The following VWC2L variants were observed in gnomAD, a reference collection of about 807,000 sequenced individuals.
VWC2L encodes the protein von Willebrand factor C domain-containing protein 2-like.
Under a neutral mutation model 21.6 loss-of-function variants are expected in VWC2L, and 10 were observed. The observed-to-expected ratio is 0.46, with a 90% CI of 0.29 to 0.78. The LOEUF (loss-of-function observed/expected upper bound fraction) is 0.78, where lower values mean the gene tolerates loss of function less well. Ranked by LOEUF, VWC2L falls within the 30% of genes least tolerant of loss-of-function variation. The pLI, the probability that VWC2L is intolerant of heterozygous loss-of-function variation, is 0.10. For synonymous variants in VWC2L, 96 were observed against 94.3 expected, an observed-to-expected ratio of 1.02 and a Z score of -0.10; for missense variants, 209 against 277.1, an observed-to-expected ratio of 0.75 and a Z score of 1.74.
At chr2:214,534,449 G>T (rs922929800) in intron 3 of VWC2L, among the ~76,000 whole-genome samples, 10 of 152,042 alleles carry the variant, frequency 6.6e-5, no homozygotes, top group Admixed American at 6.6e-4. Context: ...TTGTTTGCAA[G>T]CACCTTCCAC....
chr2:214,413,429 T>C (rs1342183429), intron 1 of VWC2L, among the ~76,000 whole-genome samples: 1 of 152,112 alleles, frequency 6.6e-6, no homozygotes, highest in African/African-American at 2.4e-5. Context: ...TGGAATTCTC[T>C]TGTATTATTT....
chr2:214,447,461 G>A (rs764613993), intron 3 of VWC2L, among the ~76,000 whole-genome samples: 1 of 152,132 alleles, frequency 6.6e-6, no homozygotes, highest in Non-Finnish European at 1.5e-5. Context: ...ATGCTAGGAA[G>A]TTACATTCAC....
intron 3 of VWC2L, chr2:214,510,251 T>A (rs570218695): frequency 2.9e-4 from 44 of 152,346 alleles, no homozygotes; most frequent in Middle Eastern, 6.8e-3. Flanking sequence ...TGTGATCAAT[T>A]ATGTTTGTAC....
intron 3 of VWC2L, among the ~76,000 whole-genome samples, chr2:214,553,320 G>T (rs1194753720): frequency 6.6e-6 from 1 of 152,230 alleles, no homozygotes; most frequent in Admixed American, 6.5e-5. Context: ...AGGGGATCAT[G>T]TGCCCAAAGT....
intron 3 of VWC2L, among the ~76,000 whole-genome samples, chr2:214,527,963 T>C (rs1302289266): frequency 1.3e-5 from 2 of 152,190 alleles, no homozygotes; most frequent in African/African-American, 2.4e-5. Context: ...ATTTCTATCA[T>C]TTACAATAAA....
intron 3 of VWC2L, among the ~76,000 whole-genome samples, chr2:214,548,712 G>T (rs1287382302): frequency 1.3e-5 from 2 of 152,138 alleles, no homozygotes; most frequent in Non-Finnish European, 2.9e-5. Context: ...TCATGTTTAG[G>T]CTAGACCAAG....
chr2:214,482,175 C>T (rs1168635586), intron 3 of VWC2L, among the ~76,000 whole-genome samples: 1 of 152,150 alleles, frequency 6.6e-6, no homozygotes, highest in Non-Finnish European at 1.5e-5. Flanking sequence ...AAATAGGAGT[C>T]TATGTACTCA....
At chr2:214,480,962 G>A (rs1688596452) in intron 3 of VWC2L, among the ~76,000 whole-genome samples, 2 of 148,234 alleles carry the variant, frequency 1.3e-5, no homozygotes, top group Non-Finnish European at 3.0e-5. Context: ...TGCAAAAGAT[G>A]AAGTGATTTG....
At chr2:214,433,162 A>T (rs1165050292) in intron 2 of VWC2L, among the ~76,000 whole-genome samples, 1 of 47,316 alleles carries the variant, frequency 2.1e-5, no homozygotes, top group Non-Finnish European at 3.8e-5. Flanking sequence ...GCCACCTGAT[A>T]TATATATATA....
chr2:214,502,130 A>G (rs1688901617), intron 3 of VWC2L, among the ~76,000 whole-genome samples: 1 of 152,214 alleles, frequency 6.6e-6, no homozygotes, highest in African/African-American at 2.4e-5. Flanking sequence ...TTCCTTCTTC[A>G]ATATTTTTCA....
intron 3 of VWC2L, among the ~76,000 whole-genome samples, chr2:214,559,379 G>A (rs1399491629): frequency 6.6e-6 from 1 of 151,530 alleles, no homozygotes; most frequent in Non-Finnish European, 1.5e-5. Context: ...TTTATCTTTT[G>A]GCCCCCTCCC....
At chr2:214,496,118 T>C (rs375534355) in intron 3 of VWC2L, among the ~76,000 whole-genome samples, 8 of 152,100 alleles carry the variant, frequency 5.3e-5, no homozygotes, top group African/African-American at 1.7e-4. Context: ...ATGTAACCTA[T>C]TGATCCTATG....
At chr2:214,499,313 C>A (rs1228469959) in intron 3 of VWC2L, among the ~76,000 whole-genome samples, 2 of 151,962 alleles carry the variant, frequency 1.3e-5, no homozygotes. Context: ...CCACTGCGCC[C>A]AGCCATACCA....
rs753663852 is a variant in VWC2L at position 214,414,633 on chromosome 2, T to TG, written c.390+51dup. On this transcript the variant is annotated intron_variant, in intron 2 of 3. Transcript: ENST00000312504. ...TGAAATATCAACTTTTCATACCACG[T>TG]GCTTAGTACATTGCTACATTAAAGT... 24 of 1,569,294 alleles carry TG rather than the reference T, an allele frequency of 1.5e-5. No homozygotes were observed. In the East Asian group the frequency reaches 5.4e-4, roughly 35 times the overall value.
At chr2:214,440,821 C>A (rs1386121492) in intron 3 of VWC2L, among the ~76,000 whole-genome samples, 1 of 152,024 alleles carries the variant, frequency 6.6e-6, no homozygotes, top group Non-Finnish European at 1.5e-5. Flanking sequence ...AATATGTAGT[C>A]AGTTATCAAA....
At chr2:214,501,721 C>CA (rs776608301) in intron 3 of VWC2L, among the ~76,000 whole-genome samples, 35,736 of 78,230 alleles carry the variant, frequency 0.46, 7,585 homozygotes, top group Non-Finnish European at 0.56. Context: ...GACTCTGTCT[C>CA]AAAAAAAAAA....
At chr2:214,569,158 T>C (rs1690111805) in intron 3 of VWC2L, among the ~76,000 whole-genome samples, 1 of 152,176 alleles carries the variant, frequency 6.6e-6, no homozygotes, top group Non-Finnish European at 1.5e-5. Context: ...TTCATTACCA[T>C]CACACAGTTC....
At chr2:214,462,559 T>A (rs1416976251) in intron 3 of VWC2L, among the ~76,000 whole-genome samples, 1 of 152,176 alleles carries the variant, frequency 6.6e-6, no homozygotes. Context: ...ATTCTTGATG[T>A]TGATGATTTT....
At chr2:214,471,248 A>T (rs1254997411) in intron 3 of VWC2L, among the ~76,000 whole-genome samples, 1 of 152,034 alleles carries the variant, frequency 6.6e-6, no homozygotes, top group African/African-American at 2.4e-5. Flanking sequence ...GAGATTGCAG[A>T]CCCCTTACAT....
Sources: allele counts gnomAD v4.1 joint callset (sites outside exome capture counted in the v4.1 genomes callset), GRCh38; gene constraint gnomAD v4.1.1; transcripts MANE v1.5; gene names NCBI Gene and HGNC (gene_info 2026-07-23, HGNC 2026-07-21).